Variants in TPR observed in about 807,000 individuals in gnomAD.
TPR encodes nucleoprotein TPR.
TPR carries 51 observed loss-of-function variants against 316.1 expected under a neutral mutation model. The ratio of observed to expected loss-of-function variants is 0.16; its 90% CI spans 0.13 to 0.20. The LOEUF is 0.20. TPR is among the 10% of genes least tolerant of loss of function. The pLI, the probability that TPR is intolerant of heterozygous loss-of-function variation, is 1.00. For synonymous variants in TPR, 981 were observed against 914.7 expected, an observed-to-expected ratio of 1.07 and a Z score of -1.31; for missense variants, 2,272 against 2,754.8, an observed-to-expected ratio of 0.82 and a Z score of 3.92.
chr1:186,329,466 T>C (rs1255591343), intron 39 of TPR, among the ~76,000 whole-genome samples: 1 of 152,170 alleles, frequency 6.6e-6, no homozygotes, highest in African/African-American at 2.4e-5. Flanking sequence ...TTCACTTATG[T>C]TTCATATACA....
intron 31 of TPR, 35 bp downstream of exon 31, chr1:186,337,998 A>G (rs761611075): frequency 7.6e-6 from 11 of 1,455,354 alleles, no homozygotes; most frequent in Non-Finnish European, 9.2e-6. Flanking sequence ...CATTCATCCT[A>G]GTTTTTTTTT....
intron 29 of TPR, 100 bp downstream of exon 29, chr1:186,340,928 T>C (rs902194174): frequency 2.8e-6 from 4 of 1,421,322 alleles, no homozygotes; most frequent in Middle Eastern, 1.8e-4. Context: ...ATAAACACAG[T>C]AATTTTCACT....
rs1657330108 is a variant in TPR at position 186,312,387 on chromosome 1, G to T, written c.*1584C>A. 1.3e-6 allele frequency: 2 copies of T among 1,595,258 alleles called. No homozygotes were observed. Among genetic ancestry groups the T allele is most frequent in the Non-Finnish European group, 1.7e-6 (2 of 1,171,310 alleles). On this transcript the variant is annotated 3_prime_UTR_variant, in exon 51 of 51. Transcript: ENST00000367478. ...TCAAGACAAAGGTAACATTTTTATT[G>T]TGTTAAAAAAATCCTTAAACATAAG...
intron 46 of TPR, among the ~76,000 whole-genome samples, chr1:186,320,029 T>C (rs970500093): frequency 1.3e-5 from 2 of 152,198 alleles, no homozygotes; most frequent in Admixed American, 1.3e-4. Flanking sequence ...TCAACACATA[T>C]TCCTGAATAC....
chr1:186,344,018 C>T lies in TPR; in HGVS notation c.3490G>A (p.Glu1164Lys), dbSNP rs753188833. 4.3e-6 allele frequency: 7 copies of T among 1,614,020 alleles called. No homozygotes were observed. Among genetic ancestry groups the T allele is most frequent in the African/African-American group, 2.7e-5 (2 of 74,912 alleles). ...KQNRLLHDQI[E>K]KLSDKVVASV... Reference sequence around the variant, plus strand: ...GCAACGACCTTGTCACTTAATTTTTCGATCTGATCATGAAGTAATCTGTTT... The same window carrying T: ...GCAACGACCTTGTCACTTAATTTTTTGATCTGATCATGAAGTAATCTGTTT... The change falls in exon 26 of 51, where the codon GAA (glutamate) becomes AAA (lysine). Residue 1164 changes from glutamate to lysine, a missense_variant. This residue lies in a region of TPR where 757 missense variants were observed against 859.8 expected (regional missense o/e 0.88). Coordinates refer to ENST00000367478, the MANE Select transcript of TPR (RefSeq NM_003292.3).
intron 39 of TPR, among the ~76,000 whole-genome samples, chr1:186,330,581 T>C (rs1331437763): frequency 6.6e-6 from 1 of 152,094 alleles, no homozygotes; most frequent in African/African-American, 2.4e-5. Flanking sequence ...CTCATAAATA[T>C]GTATAGCGTT....
In TPR at chr1:186,352,038, C is replaced by G. The variant is rs1658877323; in HGVS notation, c.2407G>C (p.Glu803Gln). The change falls in exon 19 of 51, where the codon GAG (glutamate) becomes CAG (glutamine). Residue 803 changes from glutamate (E) to glutamine (Q), a missense_variant. Physicochemically the swap from Glu to Gln is conservative, Grantham distance 29. This residue lies in a region of TPR where 757 missense variants were observed against 859.8 expected (regional missense o/e 0.88). Transcript: ENST00000367478. ...CCCCTTTGTTCAGCTAACAAAGACT[C>G]TCTTTGCTGAGAAAGACGAACTTCA... The part of the protein sequence containing the change: ...LSEVRLSQQR[E>Q]SLLAEQRGQN... The G allele has an allele frequency of 6.2e-7, 1 of 1,610,098 alleles. No individual in the cohort carries two copies. Among genetic ancestry groups the G allele is most frequent in the Admixed American group, 1.7e-5 (1 of 59,296 alleles).
intron 2 of TPR, among the ~76,000 whole-genome samples, chr1:186,371,899 T>A (rs1181440162): frequency 1.3e-5 from 2 of 152,146 alleles, no homozygotes; most frequent in Non-Finnish European, 2.9e-5. Context: ...CAGGAAGGTA[T>A]CTGATGTATC....
chr1:186,339,626 G>C lies in TPR; in HGVS notation c.4151+16C>G. The C allele has an allele frequency of 6.6e-7, 1 of 1,526,416 alleles. No individual in the cohort carries two copies. The highest frequency in any genetic ancestry group is 8.8e-7 in the Non-Finnish European group (1 of 1,141,556). 94.6% of individuals were successfully genotyped at this position (1,526,416 alleles called of 1,614,324 possible). ...TCTTTTATATTATATATGATTTAAG[G>C]CTTCTTTCCATATACCTTGCAATTT... On this transcript the variant is annotated intron_variant, in intron 30 of 50. Coordinates refer to ENST00000367478, the MANE Select transcript of TPR (RefSeq NM_003292.3).
Position 186,312,364 on chromosome 1 carries a change from A to G in TPR, c.*1607T>C. On this transcript the variant is annotated 3_prime_UTR_variant, in exon 51 of 51. Transcript: ENST00000367478. Reference sequence around the variant, plus strand: ...TATTCACCTGCCAGACTGGCTTATCAAGACAAAGGTAACATTTTTATTGTG... The same window carrying G: ...TATTCACCTGCCAGACTGGCTTATCGAGACAAAGGTAACATTTTTATTGTG... The G allele has an allele frequency of 6.2e-7, 1 of 1,606,822 alleles. No homozygotes were observed. The highest frequency in any genetic ancestry group is 1.1e-5 in the South Asian group (1 of 89,462).
Position 186,314,628 on chromosome 1 carries a change from CCT to C in TPR, c.7035_7036del (p.Gly2346CysfsTer17), listed in dbSNP as rs771293170. 5.0e-6 allele frequency: 8 copies of C among 1,603,448 alleles called. No homozygotes were observed. The highest frequency in any genetic ancestry group is 1.7e-5 in the Admixed American group (1 of 58,588). Reference sequence around the variant, plus strand: ...GTAATCCAGTTATGTCAGAAATTCACCTCTCTGTCTGTTAAACTGACGACCAC... The same window carrying C: ...GTAATCCAGTTATGTCAGAAATTCACCTCTGTCTGTTAAACTGACGACCAC... On this transcript the variant is annotated frameshift_variant and splice_region_variant, in exon 50 of 51. Coordinates refer to ENST00000367478, the MANE Select transcript of TPR (RefSeq NM_003292.3). LOFTEE classifies it high-confidence loss of function.
rs1470813585 is a variant in TPR at position 186,312,455 on chromosome 1, T to C, written c.*1516A>G. On this transcript the variant is annotated 3_prime_UTR_variant, in exon 51 of 51. Transcript: ENST00000367478. ...CTTATACAGTAAGGCTTATGAAATA[T>C]GGATACTGATCAAACAGCCCTAATA... 5.4e-6 allele frequency: 7 copies of C among 1,286,648 alleles called. No individual in the cohort carries two copies. The highest frequency in any genetic ancestry group is 1.5e-5 in the African/African-American group (1 of 66,820). The allele number at this position is 1,286,648 out of a possible 1,614,324, so 79.7% of individuals were successfully genotyped here. A position where few individuals can be genotyped will look rare whatever the true frequency, so the allele number is the denominator to read the frequency against.
intron 29 of TPR, 26 bp downstream of exon 29, chr1:186,341,002 T>C: frequency 6.3e-7 from 1 of 1,596,084 alleles, no homozygotes; most frequent in South Asian, 1.2e-5. Context: ...GTTTCCATGT[T>C]TTGGAAGAGT....
intron 4 of TPR, 91 bp from the exon 5 acceptor site, chr1:186,363,536 T>A: frequency 1.2e-6 from 1 of 824,868 alleles, no homozygotes; most frequent in Non-Finnish European, 1.9e-6. Flanking sequence ...TATAAACCTT[T>A]AATACAAAGT....
chr1:186,350,332 G>T lies in TPR; in HGVS notation c.2667C>A (p.Asn889Lys), dbSNP rs368293252. The T allele has an allele frequency of 1.1e-4, 178 of 1,613,080 alleles. No homozygotes were observed. The highest frequency in any genetic ancestry group is 1.4e-4 in the Non-Finnish European group (170 of 1,179,460). Residue 889 changes from asparagine (N) to lysine (K), a missense_variant, in exon 21 of 51, where the codon AAC (asparagine) becomes AAA (lysine). Physicochemically the swap from Asn to Lys is moderately conservative, Grantham distance 94. Coordinates refer to ENST00000367478, the MANE Select transcript of TPR (RefSeq NM_003292.3). ...GAGCATTTTTTAATAGTTCTTTTGT[G>T]TTAAGATGAAGATTTGTCTCTGTAT... ...QLDTETNLHL[N>K]TKELLKNAQK...
chr1:186,320,283 T>C, intron 46 of TPR, 29 bp downstream of exon 46: 1 of 1,565,238 alleles, frequency 6.4e-7, no homozygotes, highest in Non-Finnish European at 8.7e-7. Flanking sequence ...ACATACAAAT[T>C]CAGGGGATCT....
chr1:186,316,059 G>A (rs1257799568), intron 49 of TPR, among the ~76,000 whole-genome samples: 3 of 151,476 alleles, frequency 2.0e-5, no homozygotes, highest in Non-Finnish European at 2.9e-5. Context: ...TAAAGACATC[G>A]TAATTTCATA....
At position 186,326,118 on chromosome 1, in the gene TPR, C is replaced by T. The variant is rs2102056679; in HGVS notation, c.6007G>A (p.Ala2003Thr). ...TAGCCAGTTACCTCAGCATCATCAG[C>T]TTCATAACCATCATTGCCATCGGCA... ...GSADGNDGYEADDAEGGDGTD... is the reference protein window; with the variant it reads ...GSADGNDGYETDDAEGGDGTD... Residue 2003 changes from alanine (A) to threonine (T), a missense_variant, in exon 41 of 51, where the codon GCT becomes ACT. By Grantham distance (58) the Ala-to-Thr change is moderately conservative (BLOSUM62 0). Transcript: ENST00000367478. 6.2e-7 allele frequency: 1 copy of T among 1,613,784 alleles called. No homozygotes were observed. The highest frequency in any genetic ancestry group is 8.5e-7 in the Non-Finnish European group (1 of 1,179,800).
At chr1:186,362,714 T>A in intron 6 of TPR, 123 bp downstream of exon 6, 1 of 863,898 alleles carries the variant, frequency 1.2e-6, no homozygotes. Flanking sequence ...TAATGCATTA[T>A]TCACATTTAA....
Sources: allele counts gnomAD v4.1 joint callset (sites outside exome capture counted in the v4.1 genomes callset), GRCh38; gene constraint gnomAD v4.1.1; regional missense constraint gnomAD v4.1.1; transcripts MANE v1.5; gene names NCBI Gene and HGNC (gene_info 2026-07-23, HGNC 2026-07-21).